Variants in ERBB4 observed in about 807,000 individuals in gnomAD.
ERBB4 encodes the protein receptor tyrosine-protein kinase erbB-4.
ERBB4 carries 42 observed loss-of-function variants against 158.0 expected under a neutral mutation model. That is an observed-to-expected ratio of 0.27 (90% confidence interval 0.21 to 0.34). The LOEUF is 0.34. Among genes scored for constraint, ERBB4 ranks in the 10% least tolerant of loss-of-function variants. The pLI is 1.00. For synonymous variants in ERBB4, 583 were observed against 558.7 expected (o/e 1.04, Z -0.61); for missense variants, 1,333 against 1,624.1 (o/e 0.82, Z 3.08).
At chr2:212,160,735 T>C (rs926995300) in intron 1 of ERBB4, among the ~76,000 whole-genome samples, 6 of 152,106 alleles carry the variant, frequency 3.9e-5, no homozygotes, top group Admixed American at 6.6e-5. Context: ...ATGAATTCTG[T>C]TAATCAAATT....
At chr2:212,188,745 T>C (rs2082103054) in intron 1 of ERBB4, among the ~76,000 whole-genome samples, 1 of 152,012 alleles carries the variant, frequency 6.6e-6, no homozygotes, top group South Asian at 2.1e-4. Flanking sequence ...CTATTTATTA[T>C]TTTAGGTCAT....
intron 3 of ERBB4, among the ~76,000 whole-genome samples, chr2:211,831,959 T>C (rs866085166): frequency 6.6e-5 from 10 of 152,118 alleles, no homozygotes; most frequent in South Asian, 2.1e-4. Flanking sequence ...CATCCATTTG[T>C]ATTTCTTTTT....
At chr2:212,449,946 C>G (rs1215041923) in intron 1 of ERBB4, among the ~76,000 whole-genome samples, 2 of 151,950 alleles carry the variant, frequency 1.3e-5, no homozygotes, top group Non-Finnish European at 2.9e-5. Context: ...CCTTTTTCTC[C>G]CATTCAAGGC....
chr2:211,595,287 C>T (rs923844001), intron 19 of ERBB4, among the ~76,000 whole-genome samples: 2 of 151,950 alleles, frequency 1.3e-5, no homozygotes, highest in Non-Finnish European at 2.9e-5. Context: ...TTGGCAAGAC[C>T]ACTTTAAAAT....
intron 1 of ERBB4, among the ~76,000 whole-genome samples, chr2:212,330,963 C>A (rs1161358985): frequency 6.7e-6 from 1 of 149,282 alleles, no homozygotes; most frequent in East Asian, 2.0e-4. Context: ...GTGGTATATG[C>A]AATATTTGCA....
chr2:211,964,061 A>G (rs560252126), intron 2 of ERBB4, among the ~76,000 whole-genome samples: 6 of 152,154 alleles, frequency 3.9e-5, no homozygotes, highest in Admixed American at 6.6e-5. Flanking sequence ...GGACAAAGAC[A>G]CATGGTATTT....
At chr2:211,571,035 C>CTCTTT (rs1553571913) in intron 19 of ERBB4, among the ~76,000 whole-genome samples, 3 of 81,218 alleles carry the variant, frequency 3.7e-5, no homozygotes, top group African/African-American at 5.2e-5. Context: ...TCTGAGTACT[C>CTCTTT]TTCTTCTTTT....
chr2:212,322,481 C>A (rs547296043), intron 1 of ERBB4, among the ~76,000 whole-genome samples: 1 of 150,510 alleles, frequency 6.6e-6, no homozygotes, highest in Non-Finnish European at 1.5e-5. Context: ...TACTAAATGT[C>A]TTCTAGAATA....
chr2:212,224,948 C>A (rs1336355354), intron 1 of ERBB4, among the ~76,000 whole-genome samples: 1 of 151,848 alleles, frequency 6.6e-6, no homozygotes, highest in Admixed American at 6.6e-5. Context: ...TGCTCTTGTT[C>A]TTTATACTGT....
chr2:212,372,118 A>G (rs1189981828), intron 1 of ERBB4, among the ~76,000 whole-genome samples: 1 of 152,106 alleles, frequency 6.6e-6, no homozygotes, highest in Non-Finnish European at 1.5e-5. Context: ...TAAGTCCTCC[A>G]CCAACCAGTC....
intron 3 of ERBB4, among the ~76,000 whole-genome samples, chr2:211,848,462 C>G (rs1234107704): frequency 6.6e-6 from 1 of 151,944 alleles, no homozygotes; most frequent in Non-Finnish European, 1.5e-5. Flanking sequence ...GCTTTCTGGG[C>G]TTGTATGTTT....
At chr2:211,948,169 G>A (rs2080756334) in intron 2 of ERBB4, among the ~76,000 whole-genome samples, 2 of 152,090 alleles carry the variant, frequency 1.3e-5, no homozygotes, top group African/African-American at 4.8e-5. Context: ...GGGCATGGTG[G>A]CTCATGCCTG....
chr2:212,111,382 C>T (rs1430903690), intron 2 of ERBB4, among the ~76,000 whole-genome samples: 4 of 152,170 alleles, frequency 2.6e-5, no homozygotes, highest in Admixed American at 6.5e-5. Context: ...TACTTTCTTC[C>T]TGCTACTGGA....
At chr2:211,692,780 C>G (rs1404146924) in intron 12 of ERBB4, among the ~76,000 whole-genome samples, 1 of 152,146 alleles carries the variant, frequency 6.6e-6, no homozygotes, top group Non-Finnish European at 1.5e-5. Context: ...TCTGCTACGT[C>G]CTTTTTACCA....
At chr2:212,157,535 T>TAAACATATTACTGTTC (rs2081077682) in intron 1 of ERBB4, among the ~76,000 whole-genome samples, 1 of 152,084 alleles carries the variant, frequency 6.6e-6, no homozygotes, top group Non-Finnish European at 1.5e-5. Context: ...TTAGGTATTG[T>TAAACATATTACTGTTC]AAACATATTA....
chr2:211,430,138 T>C (rs934333575), intron 21 of ERBB4, among the ~76,000 whole-genome samples: 1 of 152,156 alleles, frequency 6.6e-6, no homozygotes, highest in Non-Finnish European at 1.5e-5. Flanking sequence ...GCCCATATGA[T>C]AAATAAGGCA....
At chr2:211,528,190 A>AAAGAGC (rs1436796790) in intron 20 of ERBB4, among the ~76,000 whole-genome samples, 6 of 152,074 alleles carry the variant, frequency 3.9e-5, no homozygotes, top group Non-Finnish European at 8.8e-5. Flanking sequence ...GGAAACAAAA[A>AAAGAGC]AAGAGCAAGA....
intron 1 of ERBB4, among the ~76,000 whole-genome samples, chr2:212,358,903 T>C (rs577563953): frequency 1.6e-4 from 24 of 151,882 alleles, no homozygotes; most frequent in African/African-American, 5.5e-4. Context: ...GATGAATACA[T>C]TCACTGAATA....
intron 2 of ERBB4, among the ~76,000 whole-genome samples, chr2:212,081,628 C>G (rs1417231246): frequency 6.6e-6 from 1 of 152,104 alleles, no homozygotes; most frequent in Non-Finnish European, 1.5e-5. Flanking sequence ...TGAATAGGTT[C>G]TTCCAAAAGC....
Sources: allele counts gnomAD v4.1 joint callset (sites outside exome capture counted in the v4.1 genomes callset), GRCh38; gene constraint gnomAD v4.1.1; transcripts MANE v1.5; gene names NCBI Gene and HGNC (gene_info 2026-07-23, HGNC 2026-07-21).